The following VAV3 variants were observed in gnomAD, a reference collection of about 807,000 sequenced individuals.
The protein encoded by VAV3 is guanine nucleotide exchange factor VAV3.
VAV3 carries 94 observed loss-of-function variants against 131.2 expected under a neutral mutation model. The ratio of observed to expected loss-of-function variants is 0.72; its 90% CI spans 0.61 to 0.85. The LOEUF (loss-of-function observed/expected upper bound fraction) is 0.85. Ranked by LOEUF, VAV3 falls within the 40% of genes least tolerant of loss-of-function variation. The pLI, the probability that VAV3 is intolerant of heterozygous loss-of-function variation, is 0.00. For synonymous variants in VAV3, 349 were observed against 342.0 expected, an observed-to-expected ratio of 1.02 and a Z score of -0.22; for missense variants, 939 against 1,002.7, an observed-to-expected ratio of 0.94 and a Z score of 0.86.
chr1:107,784,051 C>A lies in VAV3; in HGVS notation c.322-4559G>T, dbSNP rs571923021. 2.5e-5 allele frequency among the ~76,000 whole-genome samples: 3 copies of A among 122,378 alleles called. 1 individual carries two copies. Among genetic ancestry groups the A allele is most frequent in the Non-Finnish European group, 5.3e-5 (3 of 56,714 alleles). The allele number at this position is 122,378 out of a possible 152,430, so 80.3% of individuals were successfully genotyped here. ...CTCCAGCCTGGGTGACAGAGCAAGACCCTATCTCAAATATATATATATATA... is the reference window on the plus strand; with the variant it reads ...CTCCAGCCTGGGTGACAGAGCAAGAACCTATCTCAAATATATATATATATA... On this transcript the variant is annotated intron_variant, in intron 2 of 26. Coordinates refer to ENST00000370056, the MANE Select transcript of VAV3 (RefSeq NM_006113.5).
At chr1:107,576,268 A>C in intron 25 of VAV3, 1 of 721,524 alleles carries the variant, frequency 1.4e-6, no homozygotes, top group Non-Finnish European at 2.1e-6. Context: ...GCATGGTGGT[A>C]ATGGAACTCG....
chr1:107,856,324 T>C (rs1374544873), intron 2 of VAV3, among the ~76,000 whole-genome samples: 1 of 152,196 alleles, frequency 6.6e-6, no homozygotes, highest in African/African-American at 2.4e-5. Context: ...ACATTTATAA[T>C]ATTCTTAGTA....
At chr1:107,913,391 A>T (rs1030859300) in intron 1 of VAV3, among the ~76,000 whole-genome samples, 9 of 152,252 alleles carry the variant, frequency 5.9e-5, no homozygotes, top group Non-Finnish European at 1.5e-5. Flanking sequence ...ATACACAACC[A>T]AGAGTACAAA....
At chr1:107,583,972 A>G (rs1302311812) in intron 25 of VAV3, among the ~76,000 whole-genome samples, 31 of 152,110 alleles carry the variant, frequency 2.0e-4, no homozygotes. Context: ...CAAAAGAACA[A>G]AGCTGGAGGC....
chr1:107,859,908 AAAT>A (rs1669658059), intron 2 of VAV3, among the ~76,000 whole-genome samples: 1 of 152,206 alleles, frequency 6.6e-6, no homozygotes, highest in African/African-American at 2.4e-5. Flanking sequence ...TCTGGATATT[AAAT>A]AATACCAGGG....
intron 17 of VAV3, among the ~76,000 whole-genome samples, chr1:107,689,622 T>C (rs1659284946): frequency 6.6e-6 from 1 of 152,148 alleles, no homozygotes; most frequent in African/African-American, 2.4e-5. Context: ...CATCCCTTTG[T>C]CAATTTCAAA....
chr1:107,964,906 G>C lies in VAV3; in HGVS notation c.-37C>G, dbSNP rs542746320. 4.8e-4 allele frequency: 627 copies of C among 1,307,032 alleles called. 2 individuals are homozygous for C. Among genetic ancestry groups the C allele is most frequent in the Middle Eastern group, 4.7e-3 (19 of 4,006 alleles). The allele number at this position is 1,307,032 out of a possible 1,614,324, so 81.0% of individuals were successfully genotyped here. ...CCGGGACGCGGCTGGGCCGGGGCGG[G>C]CGGCAAGGATGCGGCCGCCGCCGCC... On this transcript the variant is annotated 5_prime_UTR_variant, in exon 1 of 27. Transcript: ENST00000370056.
At chr1:107,829,310 A>G (rs1173093380) in intron 2 of VAV3, among the ~76,000 whole-genome samples, 1 of 152,056 alleles carries the variant, frequency 6.6e-6, no homozygotes, top group African/African-American at 2.4e-5. Flanking sequence ...TCCCTCAACC[A>G]TCTGTTCCCC....
chr1:107,773,568 G>A (rs1293887905), intron 4 of VAV3, among the ~76,000 whole-genome samples: 1 of 152,128 alleles, frequency 6.6e-6, no homozygotes, highest in Non-Finnish European at 1.5e-5. Context: ...AAAGACAGAT[G>A]AGGAGAGGAA....
At chr1:107,820,247 C>A (rs1667740068) in intron 2 of VAV3, among the ~76,000 whole-genome samples, 1 of 151,920 alleles carries the variant, frequency 6.6e-6, no homozygotes, top group Non-Finnish European at 1.5e-5. Context: ...GAAAAATGTG[C>A]TACATATACA....
At chr1:107,591,446 T>C (rs973570248) in intron 25 of VAV3, among the ~76,000 whole-genome samples, 1 of 151,860 alleles carries the variant, frequency 6.6e-6, no homozygotes, top group East Asian at 1.9e-4. Flanking sequence ...AATGAATGAA[T>C]GAATGAATGA....
chr1:107,733,713 C>G (rs1168653634), intron 15 of VAV3, among the ~76,000 whole-genome samples: 1 of 152,096 alleles, frequency 6.6e-6, no homozygotes, highest in Non-Finnish European at 1.5e-5. Context: ...AAGAAACAAA[C>G]AAAGCCTCCA....
chr1:107,924,765 G>A (rs1035352988), intron 1 of VAV3, among the ~76,000 whole-genome samples: 27 of 152,104 alleles, frequency 1.8e-4, no homozygotes, highest in African/African-American at 6.5e-4. Flanking sequence ...AAAAAAAACT[G>A]TGACCATATG....
At chr1:107,662,705 G>A (rs1001112894) in intron 19 of VAV3, among the ~76,000 whole-genome samples, 1 of 152,180 alleles carries the variant, frequency 6.6e-6, no homozygotes, top group Non-Finnish European at 1.5e-5. Context: ...GCTCTGCGAG[G>A]TACCATACTT....
intron 1 of VAV3, among the ~76,000 whole-genome samples, chr1:107,939,598 A>T (rs926147730): frequency 5.3e-5 from 8 of 152,196 alleles, no homozygotes; most frequent in Admixed American, 5.2e-4. Context: ...CAAAACACCC[A>T]GTCTTGACTT....
chr1:107,590,356 T>C (rs1265897573), intron 25 of VAV3, among the ~76,000 whole-genome samples: 2 of 152,224 alleles, frequency 1.3e-5, no homozygotes, highest in African/African-American at 2.4e-5. Flanking sequence ...GGCTATTTCA[T>C]GCAAGGCATG....
At chr1:107,919,070 ATAAAT>A (rs1181758915) in intron 1 of VAV3, among the ~76,000 whole-genome samples, 1 of 152,208 alleles carries the variant, frequency 6.6e-6, no homozygotes, top group Non-Finnish European at 1.5e-5. Flanking sequence ...CATAAAATTA[ATAAAT>A]TAGTCATTGG....
At chr1:107,762,169 A>G (rs1389766031) in intron 9 of VAV3, among the ~76,000 whole-genome samples, 2 of 151,470 alleles carry the variant, frequency 1.3e-5, no homozygotes, top group South Asian at 4.2e-4. Flanking sequence ...GAGCAACCTC[A>G]TAAGTCCAAA....
chr1:107,751,292 C>A, intron 12 of VAV3, 90 bp from the exon 13 acceptor site: 1 of 994,772 alleles, frequency 1.0e-6, no homozygotes. Context: ...AAGACAACTA[C>A]CTTATTACAT....
Sources: gnomAD v4.1 joint callset for allele counts (sites outside exome capture counted in the v4.1 genomes callset) on GRCh38, gnomAD v4.1.1 for gene constraint, MANE v1.5 for transcripts, NCBI Gene and HGNC (gene_info 2026-07-23, HGNC 2026-07-21) for gene names.